Variants in GADL1 observed in about 807,000 individuals in gnomAD.
The protein encoded by GADL1 is GAD like acidic amino acid decarboxylase 1, also known as acidic amino acid decarboxylase GADL1.
A neutral mutation model predicts 69.5 loss-of-function variants in GADL1; 71 were observed. That is an observed-to-expected ratio of 1.02 (90% confidence interval 0.84 to 1.25). The LOEUF (loss-of-function observed/expected upper bound fraction) is 1.25, where lower values mean the gene tolerates loss of function less well. GADL1 is among the 50% of genes most tolerant of loss of function. The probability of loss-of-function intolerance (pLI) is 0.00; values close to 1 mark genes in which losing one functional copy is unlikely to be tolerated. For missense variants in GADL1, 737 were observed against 631.8 expected (o/e 1.17, Z -1.79); for synonymous variants, 254 against 214.4 (o/e 1.18, Z -1.62).
At chr3:30,743,747 G>T (rs564759976) in intron 14 of GADL1, among the ~76,000 whole-genome samples, 16 of 152,156 alleles carry the variant, frequency 1.1e-4, no homozygotes, top group Non-Finnish European at 2.2e-4. Context: ...TTTTATTATT[G>T]TTCTTCATTA....
intron 1 of GADL1, among the ~76,000 whole-genome samples, chr3:30,867,995 T>C (rs1434180343): frequency 6.6e-6 from 1 of 152,034 alleles, no homozygotes; most frequent in African/African-American, 2.4e-5. Flanking sequence ...CACTAATAAA[T>C]AATATACTTT....
At chr3:30,750,193 AG>A (rs1695783101) in intron 14 of GADL1, among the ~76,000 whole-genome samples, 1 of 152,188 alleles carries the variant, frequency 6.6e-6, no homozygotes, top group African/African-American at 2.4e-5. Context: ...ATGGGACAGA[AG>A]GCGCTAAAAT....
rs751055819 is a variant in GADL1 at position 30,846,116 on chromosome 3, G to A, written c.652-1650C>T. On this transcript the variant is annotated intron_variant, in intron 6 of 14. Coordinates refer to ENST00000282538, the MANE Select transcript of GADL1 (RefSeq NM_207359.3). ...TTAAACATCTGAAAGCTTCAGAGAA[G>A]GAAGAGCCCTGGAAGGGAGAACAAA... Among the ~76,000 whole-genome samples, 67 of 151,522 alleles carry A rather than the reference G, an allele frequency of 4.4e-4. 1 individual carries two copies. Among genetic ancestry groups the A allele is most frequent in the Non-Finnish European group, 6.8e-4 (46 of 67,938 alleles).
intron 14 of GADL1, among the ~76,000 whole-genome samples, chr3:30,743,967 G>C (rs1329935507): frequency 6.6e-6 from 1 of 152,144 alleles, no homozygotes; most frequent in Non-Finnish European, 1.5e-5. Context: ...ATGCTGGGGG[G>C]AAGACCATGG....
intron 14 of GADL1, among the ~76,000 whole-genome samples, chr3:30,766,268 G>A (rs550931057): frequency 2.0e-5 from 3 of 152,256 alleles, no homozygotes; most frequent in South Asian, 2.1e-4. Flanking sequence ...AATACTAGGA[G>A]GTAGGAATGC....
intron 9 of GADL1, among the ~76,000 whole-genome samples, chr3:30,837,416 A>ATG: frequency 6.6e-6 from 1 of 152,234 alleles, no homozygotes; most frequent in Middle Eastern, 3.4e-3. Flanking sequence ...CATTTGCCAG[A>ATG]TGTATACTAT....
chr3:30,834,196 A>G, intron 10 of GADL1, 21 bp downstream of exon 10: 1 of 1,604,400 alleles, frequency 6.2e-7, no homozygotes, highest in African/African-American at 1.3e-5. Context: ...AGTTGGCTGT[A>G]CACCAGGAAA....
chr3:30,864,891 C>T (rs1404563769), intron 1 of GADL1, among the ~76,000 whole-genome samples: 5 of 152,112 alleles, frequency 3.3e-5, no homozygotes, highest in Non-Finnish European at 7.4e-5. Context: ...CACCTTTCTT[C>T]GCCCTTTCCC....
chr3:30,885,140 G>T (rs73065054), intron 1 of GADL1, among the ~76,000 whole-genome samples: 1 of 151,874 alleles, frequency 6.6e-6, no homozygotes. Context: ...TAATTCTGGC[G>T]TGTTCCTTAG....
chr3:30,766,507 T>G (rs1212119543), intron 14 of GADL1, among the ~76,000 whole-genome samples: 3 of 152,194 alleles, frequency 2.0e-5, no homozygotes, highest in Non-Finnish European at 4.4e-5. Context: ...GTGGTTTACA[T>G]GTACTATCCT....
chr3:30,806,797 G>GGA (rs1180591060), intron 11 of GADL1, among the ~76,000 whole-genome samples: 4 of 152,222 alleles, frequency 2.6e-5, no homozygotes, highest in Non-Finnish European at 4.4e-5. Flanking sequence ...AGCTAATTAA[G>GGA]GAGGTGGGCC....
At position 30,750,404 on chromosome 3, in the gene GADL1, C is replaced by G. The variant is rs563440521; in HGVS notation, c.1393-21989G>C. On this transcript the variant is annotated intron_variant, in intron 14 of 14. Coordinates refer to ENST00000282538, the MANE Select transcript of GADL1 (RefSeq NM_207359.3). ...AGCTGTAACAGCACACGGAGTGGCA[C>G]AAGTGGGTATGATGCATCGTCCACA... is the stretch of plus-strand genomic sequence containing the variant. Among the ~76,000 whole-genome samples the G allele has an allele frequency of 2.0e-4, 31 of 152,280 alleles. No homozygotes were observed. The South Asian group carries it at 6.4e-3, about 32-fold the overall frequency.
chr3:30,730,510 T>G (rs998570153), intron 14 of GADL1, among the ~76,000 whole-genome samples: 1 of 152,142 alleles, frequency 6.6e-6, no homozygotes, highest in Non-Finnish European at 1.5e-5. Flanking sequence ...ATAAGACAGA[T>G]GATTCCTGAA....
At chr3:30,775,324 TTA>T (rs1445675738) in intron 14 of GADL1, among the ~76,000 whole-genome samples, 11 of 152,238 alleles carry the variant, frequency 7.2e-5, no homozygotes, top group Admixed American at 2.6e-4. Flanking sequence ...GGGCAAAGCC[TTA>T]TTTGATTTGT....
At chr3:30,826,693 G>T (rs1697686771) in intron 11 of GADL1, among the ~76,000 whole-genome samples, 1 of 151,858 alleles carries the variant, frequency 6.6e-6, no homozygotes, top group African/African-American at 2.4e-5. Context: ...CTGTTCATTA[G>T]AAGGGGTCAA....
At chr3:30,738,077 T>G (rs567965819) in intron 14 of GADL1, among the ~76,000 whole-genome samples, 1 of 152,190 alleles carries the variant, frequency 6.6e-6, no homozygotes, top group African/African-American at 2.4e-5. Context: ...TTTTATACAC[T>G]CTATAAAGCA....
At chr3:30,852,533 G>T (rs1171001801) in intron 4 of GADL1, among the ~76,000 whole-genome samples, 1 of 151,840 alleles carries the variant, frequency 6.6e-6, no homozygotes. Context: ...TAAAAAGATA[G>T]ATTCTGTTTC....
At chr3:30,777,308 T>G (rs1696560954) in intron 14 of GADL1, among the ~76,000 whole-genome samples, 1 of 152,170 alleles carries the variant, frequency 6.6e-6, no homozygotes, top group African/African-American at 2.4e-5. Flanking sequence ...GTCAGAGCTT[T>G]TACTAACCAG....
At chr3:30,768,209 C>G (rs1696330557) in intron 14 of GADL1, among the ~76,000 whole-genome samples, 1 of 152,032 alleles carries the variant, frequency 6.6e-6, no homozygotes, top group African/African-American at 2.4e-5. Flanking sequence ...ATTTTGAGCA[C>G]TTTATCGTCT....
Sources: allele counts gnomAD v4.1 joint callset (sites outside exome capture counted in the v4.1 genomes callset), GRCh38; gene constraint gnomAD v4.1.1; transcripts MANE v1.5; gene names NCBI Gene and HGNC (gene_info 2026-07-23, HGNC 2026-07-21).